The following NRG3 variants were observed in gnomAD, a reference collection of about 807,000 sequenced individuals.
The protein encoded by NRG3 is neuregulin 3.
A neutral mutation model predicts 66.9 loss-of-function variants in NRG3; 31 were observed. That is an observed-to-expected ratio of 0.46 (90% CI 0.35 to 0.63). NRG3 has a LOEUF of 0.63. Among genes scored for constraint, NRG3 ranks in the 20% least tolerant of loss-of-function variants. NRG3 has a pLI of 0.00. For missense variants in NRG3, 910 were observed against 878.9 expected, an observed-to-expected ratio of 1.04 and a Z score of -0.45; for synonymous variants, 393 against 359.4, an observed-to-expected ratio of 1.09 and a Z score of -1.06.
Position 82,596,630 on chromosome 10 carries a change from C to T in NRG3, c.954-141947C>T, listed in dbSNP as rs2047297216. Among the ~76,000 whole-genome samples the T allele has an allele frequency of 1.3e-5, 2 of 151,860 alleles. 1 individual carries two copies. The highest frequency in any genetic ancestry group is 4.1e-4 in the South Asian group (2 of 4,824). ...AACTATAGGCCACACAGAACAACAA[C>T]AAAAAAGGGGCTTTAGCGGTATGTT... On this transcript the variant is annotated intron_variant, in intron 2 of 8. Coordinates refer to ENST00000372141, the MANE Select transcript of NRG3 (RefSeq NM_001010848.4).
chr10:82,727,638 G>A (rs2134598882), intron 2 of NRG3, among the ~76,000 whole-genome samples: 1 of 152,338 alleles, frequency 6.6e-6, no homozygotes, highest in Admixed American at 6.5e-5. Flanking sequence ...CTCTGCTAGG[G>A]CAGTGCAGAA....
chr10:82,821,356 C>T (rs551452275), intron 3 of NRG3, among the ~76,000 whole-genome samples: 1 of 152,270 alleles, frequency 6.6e-6, no homozygotes, highest in East Asian at 1.9e-4. Context: ...TCTTCTGTCT[C>T]CAATTCATCG....
intron 2 of NRG3, among the ~76,000 whole-genome samples, chr10:82,535,882 C>T (rs1283260088): frequency 6.7e-6 from 1 of 148,888 alleles, no homozygotes; most frequent in Non-Finnish European, 1.5e-5. Flanking sequence ...ATTCAAAATG[C>T]AAATATTTTT....
At chr10:82,643,829 A>G (rs899591888) in intron 2 of NRG3, among the ~76,000 whole-genome samples, 3 of 151,630 alleles carry the variant, frequency 2.0e-5, no homozygotes, top group African/African-American at 7.3e-5. Flanking sequence ...ACTGCTTTTC[A>G]GCTCCTCCGT....
intron 1 of NRG3, among the ~76,000 whole-genome samples, chr10:82,154,668 A>G (rs1001747372): frequency 6.6e-6 from 1 of 151,892 alleles, no homozygotes; most frequent in Non-Finnish European, 1.5e-5. Flanking sequence ...TAGTTTGGAC[A>G]TGTAAATGAT....
At chr10:82,921,116 G>A (rs1846381300) in intron 4 of NRG3, among the ~76,000 whole-genome samples, 1 of 151,928 alleles carries the variant, frequency 6.6e-6, no homozygotes, top group African/African-American at 2.4e-5. Flanking sequence ...CAAGTAAGGT[G>A]ATCAAGGTTA....
intron 2 of NRG3, among the ~76,000 whole-genome samples, chr10:82,425,208 T>C (rs2089346071): frequency 6.6e-6 from 1 of 152,134 alleles, no homozygotes. Flanking sequence ...AGGGATCACA[T>C]TGAATCTGCT....
intron 2 of NRG3, among the ~76,000 whole-genome samples, chr10:82,363,692 C>T (rs6584679): frequency 0.14 from 20,700 of 151,986 alleles, 2,653 homozygotes; most frequent in African/African-American, 0.33. Flanking sequence ...CTCCTGACCT[C>T]GTGATCCACC....
chr10:82,192,997 G>GAA (rs113323604), intron 1 of NRG3, among the ~76,000 whole-genome samples: 8,114 of 122,916 alleles, frequency 0.066, 316 homozygotes, highest in African/African-American at 0.14. Flanking sequence ...GAGAGAGAGA[G>GAA]TTTGTGAGGT....
chr10:81,931,074 A>G (rs1847302408), intron 1 of NRG3, among the ~76,000 whole-genome samples: 1 of 152,194 alleles, frequency 6.6e-6, no homozygotes, highest in Admixed American at 6.5e-5. Flanking sequence ...GTATTCACCA[A>G]GCGGGAAGTT....
intron 1 of NRG3, among the ~76,000 whole-genome samples, chr10:82,288,901 T>C (rs2079568142): frequency 6.6e-6 from 1 of 152,196 alleles, no homozygotes; most frequent in Non-Finnish European, 1.5e-5. Flanking sequence ...AACCTATAAA[T>C]CCACGTTTGG....
intron 2 of NRG3, among the ~76,000 whole-genome samples, chr10:82,618,230 G>A: frequency 6.6e-6 from 1 of 152,176 alleles, no homozygotes; most frequent in East Asian, 1.9e-4. Context: ...AGCCGGAGCT[G>A]TGGTGCCAGA....
chr10:82,535,620 T>C (rs1193979600), intron 2 of NRG3, among the ~76,000 whole-genome samples: 1 of 152,170 alleles, frequency 6.6e-6, no homozygotes, highest in African/African-American at 2.4e-5. Flanking sequence ...TTGTTTTACA[T>C]TTAGTCACAC....
chr10:81,990,564 TA>T (rs2060700042), intron 1 of NRG3, among the ~76,000 whole-genome samples: 2 of 152,260 alleles, frequency 1.3e-5, no homozygotes, highest in Admixed American at 1.3e-4. Context: ...ATTGGTGCAG[TA>T]AGGATAATTA....
intron 2 of NRG3, among the ~76,000 whole-genome samples, chr10:82,463,764 A>G (rs1042592851): frequency 2.0e-5 from 3 of 152,186 alleles, no homozygotes; most frequent in Non-Finnish European, 4.4e-5. Flanking sequence ...ATGCATTTGT[A>G]CAAGCTTGTT....
At chr10:82,078,594 A>C (rs1253622288) in intron 1 of NRG3, among the ~76,000 whole-genome samples, 5 of 152,024 alleles carry the variant, frequency 3.3e-5, no homozygotes, top group African/African-American at 1.2e-4. Flanking sequence ...TCGTGATCCG[A>C]CCGCCTTGGC....
chr10:82,354,314 C>T lies in NRG3; in HGVS notation c.824-4425C>T, dbSNP rs1297605412. ...CCTTGGCTCCTGTAGTTCTGAGATA[C>T]AGGTGTGAGCCAGAGTGCCTGGCCT... On this transcript the variant is annotated intron_variant, in intron 1 of 8. Coordinates refer to ENST00000372141, the MANE Select transcript of NRG3 (RefSeq NM_001010848.4). 2.6e-5 allele frequency among the ~76,000 whole-genome samples: 4 copies of T among 151,956 alleles called. No individual in the cohort carries two copies. In the South Asian group the frequency reaches 6.2e-4, roughly 24 times the overall value.
chr10:82,453,104 T>A (rs192745126), intron 2 of NRG3, among the ~76,000 whole-genome samples: 1 of 152,206 alleles, frequency 6.6e-6, no homozygotes, highest in African/African-American at 2.4e-5. Flanking sequence ...TTTTCTTATA[T>A]TTTAAATGAA....
At chr10:82,448,633 T>G (rs75088173) in intron 2 of NRG3, among the ~76,000 whole-genome samples, 223 of 152,298 alleles carry the variant, frequency 1.5e-3, no homozygotes, top group African/African-American at 5.1e-3. Flanking sequence ...TTTCCCCAGC[T>G]CCCCTGTATT....
Sources: gnomAD v4.1 joint callset for allele counts (sites outside exome capture counted in the v4.1 genomes callset) on GRCh38, gnomAD v4.1.1 for gene constraint, MANE v1.5 for transcripts, NCBI Gene and HGNC (gene_info 2026-07-23, HGNC 2026-07-21) for gene names.